Variants in IK observed in about 807,000 individuals in gnomAD.
The protein encoded by IK is IK cytokine, also known as protein Red.
A neutral mutation model predicts 90.9 loss-of-function variants in IK; 47 were observed. The ratio of observed to expected loss-of-function variants is 0.52; its 90% CI spans 0.41 to 0.66. The LOEUF (loss-of-function observed/expected upper bound fraction) is 0.66. Among genes scored for constraint, IK ranks in the 30% least tolerant of loss-of-function variants. The probability of loss-of-function intolerance (pLI) is 0.00; values close to 1 mark genes in which losing one functional copy is unlikely to be tolerated. For missense variants in IK, 385 were observed against 709.3 expected (o/e 0.54, Z 5.19); for synonymous variants, 201 against 227.5 (o/e 0.88, Z 1.05).
intron 10 of IK, among the ~76,000 whole-genome samples, chr5:140,657,886 G>A (rs1561978286): frequency 6.6e-6 from 1 of 152,150 alleles, no homozygotes; most frequent in Non-Finnish European, 1.5e-5. Context: ...GATGGAGAGT[G>A]GGTAGCTTAT....
At chr5:140,657,237 C>G (rs889601246) in intron 9 of IK, among the ~76,000 whole-genome samples, 22 of 152,142 alleles carry the variant, frequency 1.4e-4, no homozygotes, top group Non-Finnish European at 2.9e-4. Flanking sequence ...TTTTGTCTCA[C>G]TACAGTTTAG....
chr5:140,661,797 G>C lies in IK; in HGVS notation c.1502+89G>C, dbSNP rs1757805627. 7.1e-7 allele frequency: 1 copy of C among 1,404,726 alleles called. No individual in the cohort carries two copies. Among genetic ancestry groups the C allele is most frequent in the East Asian group, 2.5e-5 (1 of 40,616 alleles). 87.0% of individuals were successfully genotyped at this position (1,404,726 alleles called of 1,614,324 possible). On this transcript the variant is annotated intron_variant, in intron 17 of 19. Coordinates refer to ENST00000417647, the MANE Select transcript of IK (RefSeq NM_006083.4). The surrounding 1 kb of genome is among the most constrained non-coding windows in gnomAD (Gnocchi z 4.2). The stretch of plus-strand genomic sequence containing the variant: ...ATATAAGGTTAGAGGGTGTGGTCTG[G>C]CTGAGATGTTCCCCACTAAGTTCTT...
chr5:140,650,927 T>C (rs1018533996), intron 2 of IK, among the ~76,000 whole-genome samples: 1 of 152,198 alleles, frequency 6.6e-6, no homozygotes, highest in African/African-American at 2.4e-5. Flanking sequence ...ACAGGCCTTC[T>C]TATATACATA....
intron 16 of IK, 95 bp downstream of exon 16, chr5:140,660,910 C>T: frequency 1.1e-6 from 1 of 920,430 alleles, no homozygotes; most frequent in Non-Finnish European, 1.8e-6. Flanking sequence ...ATCTCATTTA[C>T]TGGGCCCCAC....
intron 11 of IK, 53 bp downstream of exon 11, chr5:140,658,829 C>G (rs532154318): frequency 6.3e-7 from 1 of 1,596,604 alleles, no homozygotes; most frequent in African/African-American, 1.3e-5. Flanking sequence ...CTGTACATTT[C>G]TTGTGTCTGG....
rs1757640836 is a variant in IK, at chr5:140,652,967, C to T, written c.237-10C>T. On this transcript the variant is annotated splice_polypyrimidine_tract_variant and intron_variant, in intron 4 of 19. Coordinates refer to ENST00000417647, the MANE Select transcript of IK (RefSeq NM_006083.4). ...ATGAGCCTTATACATTTGCCTTTCT[C>T]TGGTCACAGTTATTATGCCAAGCTA... The T allele has an allele frequency of 6.2e-7, 1 of 1,612,586 alleles. No homozygotes were observed. The highest frequency in any genetic ancestry group is 8.5e-7 in the Non-Finnish European group (1 of 1,179,728).
At chr5:140,650,645 C>T (rs139747037) in intron 2 of IK, among the ~76,000 whole-genome samples, 71 of 152,212 alleles carry the variant, frequency 4.7e-4, no homozygotes, top group African/African-American at 1.7e-3. Flanking sequence ...ACCTAGATCT[C>T]GGCTCACTGC....
rs1179617725 is a variant in IK, at chr5:140,647,864, T to A, written c.-45T>A. 1 of 1,612,884 alleles carries A rather than the reference T, an allele frequency of 6.2e-7. No individual in the cohort carries two copies. Among genetic ancestry groups the A allele is most frequent in the Admixed American group, 1.7e-5 (1 of 60,016 alleles). ...AAAGAGCTTGTCGCTGCGGTGTTGC[T>A]GTTGGAGACTCGATTGTTGGTGACA... On this transcript the variant is annotated 5_prime_UTR_variant, in exon 1 of 20. Coordinates refer to ENST00000417647, the MANE Select transcript of IK (RefSeq NM_006083.4).
Position 140,659,050 on chromosome 5 carries a change from T to G in IK, c.1062T>G (p.Arg354=). 1 of 1,611,340 alleles carries G rather than the reference T, an allele frequency of 6.2e-7. No individual in the cohort carries two copies. The highest frequency in any genetic ancestry group is 1.1e-5 in the South Asian group (1 of 90,998). ...RERDRERDRD[R]DRERERERDR... is the part of the protein sequence containing the mutation. Reference sequence around the variant, plus strand: ...GTGATCGGGAAAGAGACAGAGACCGTGACCGAGAGCGAGAGCGAGAACGAG... The same window carrying G: ...GTGATCGGGAAAGAGACAGAGACCGGGACCGAGAGCGAGAGCGAGAACGAG... The change falls in exon 12 of 20, where the codon CGT becomes CGG. Residue 354 remains arginine, a synonymous_variant. Transcript: ENST00000417647.
chr5:140,659,247 A>G (rs1175492202), intron 12 of IK, 68 bp from the exon 13 acceptor site: 6 of 1,613,098 alleles, frequency 3.7e-6, no homozygotes, highest in Middle Eastern at 1.6e-4. Context: ...AATTGTTTCA[A>G]ACTTGGGGGA....
At chr5:140,654,840 CTTTT>C (rs1489108030) in intron 8 of IK, 113 bp downstream of exon 8, 5 of 756,308 alleles carry the variant, frequency 6.6e-6, no homozygotes, top group Non-Finnish European at 1.1e-5. Flanking sequence ...TTCTTTCTTT[CTTTT>C]TGAGACAGTG....
chr5:140,662,218 G>A lies in IK; in HGVS notation c.1646+5G>A, dbSNP rs1183867575. ...GAAGAAGATGGAAGCTGATGGGTGA[G>A]CGGCATTATTCTTCCTCTGTGGGAC... is the stretch of plus-strand genomic sequence containing the variant. On this transcript the variant is annotated splice_donor_5th_base_variant and intron_variant, in intron 19 of 19. Coordinates refer to ENST00000417647, the MANE Select transcript of IK (RefSeq NM_006083.4). The A allele has an allele frequency of 3.1e-6, 5 of 1,613,876 alleles. No homozygotes were observed. The highest frequency in any genetic ancestry group is 4.2e-6 in the Non-Finnish European group (5 of 1,179,898).
At position 140,661,773 on chromosome 5, in the gene IK, T is replaced by G; in HGVS notation, c.1502+65T>G. 5 of 1,424,394 alleles carry G rather than the reference T, an allele frequency of 3.5e-6. No homozygotes were observed. The South Asian group carries it at 4.9e-5, about 14-fold the overall frequency. 88.2% of individuals were successfully genotyped at this position (1,424,394 alleles called of 1,614,324 possible). On this transcript the variant is annotated intron_variant, in intron 17 of 19. Transcript: ENST00000417647. The surrounding 1 kb of genome is among the most constrained non-coding windows in gnomAD (Gnocchi z 4.2). The stretch of plus-strand genomic sequence containing the variant: ...TGTGGGGATTTGGTGGAATAGTGCA[T>G]ATAAGGTTAGAGGGTGTGGTCTGGC...
At position 140,662,306 on chromosome 5, in the gene IK, G is replaced by T. The variant is rs745704071; in HGVS notation, c.1651G>T (p.Glu551Ter). ...KRKKMEADGV[E>*]VKRPKY ...CCATTTCTCCTTCCATTGCAGGGTT[G>T]AAGTCAAAAGACCAAAATACTAATC... The change falls in exon 20 of 20, where the codon GAA (glutamate) becomes TAA (stop). Residue 551 changes from glutamate (E) to a stop codon, truncating the protein, a stop_gained. Coordinates refer to ENST00000417647, the MANE Select transcript of IK (RefSeq NM_006083.4). LOFTEE classifies it high-confidence loss of function. The T allele has an allele frequency of 4.9e-5, 79 of 1,613,874 alleles. No individual in the cohort carries two copies. Among genetic ancestry groups the T allele is most frequent in the Non-Finnish European group, 6.7e-5 (79 of 1,179,876 alleles).
chr5:140,661,004 A>G lies in IK; in HGVS notation c.1413+189A>G. 2.0e-6 allele frequency: 1 copy of G among 508,508 alleles called. No homozygotes were observed. Among genetic ancestry groups the G allele is most frequent in the Non-Finnish European group, 3.5e-6 (1 of 285,984 alleles). 31.5% of individuals were successfully genotyped at this position (508,508 alleles called of 1,614,324 possible). A position where few individuals can be genotyped will look rare whatever the true frequency, so the allele number is the denominator to read the frequency against. On this transcript the variant is annotated intron_variant, in intron 16 of 19. Transcript: ENST00000417647. This position sits in a 1 kb window ranked among gnomAD's most constrained non-coding sequence, Gnocchi z 4.2. ...TTTCAGAGTCTTTGCACAAGATCAAATGACATAGGGTCAAAAATCTATTTT... is the reference window on the plus strand; with the variant it reads ...TTTCAGAGTCTTTGCACAAGATCAAGTGACATAGGGTCAAAAATCTATTTT...
chr5:140,658,141 C>A (rs561225008), intron 10 of IK, among the ~76,000 whole-genome samples: 1 of 151,248 alleles, frequency 6.6e-6, no homozygotes, highest in South Asian at 2.1e-4. Context: ...GCACTATAGG[C>A]ACTATAGGCA....
intron 6 of IK, 104 bp from the exon 7 acceptor site, chr5:140,654,412 G>T: frequency 1.1e-6 from 1 of 900,268 alleles, no homozygotes; most frequent in Non-Finnish European, 1.7e-6. Flanking sequence ...AACAATATCT[G>T]TCATGTTTAA....
Position 140,651,718 on chromosome 5 carries a change from A to G in IK, c.88A>G (p.Lys30Glu). 1 of 1,597,746 alleles carries G rather than the reference A, an allele frequency of 6.3e-7. No individual in the cohort carries two copies. Among genetic ancestry groups the G allele is most frequent in the Non-Finnish European group, 8.6e-7 (1 of 1,166,400 alleles). ...AATCTTTGCCTTTTCTTCTAGATCA[A>G]AACTCACCAATGAAGACTTCAGGAA... ...VDDPHSFHQS[K>E]LTNEDFRKLL... is the part of the protein sequence containing the mutation. Residue 30 changes from lysine (K) to glutamate (E), a missense_variant, in exon 3 of 20, where the codon AAA (lysine) becomes GAA (glutamate). Lys to Glu is a moderately conservative substitution (Grantham distance 56, BLOSUM62 1). Around this residue, in one of 8 missense-constraint regions of IK, gnomAD observed 42 missense variants for 37.9 expected, o/e 1.11. Coordinates refer to ENST00000417647, the MANE Select transcript of IK (RefSeq NM_006083.4).
At position 140,662,312 on chromosome 5, in the gene IK, A is replaced by G; in HGVS notation, c.1657A>G (p.Lys553Glu). 2 of 1,614,036 alleles carry G rather than the reference A, an allele frequency of 1.2e-6. No homozygotes were observed. The highest frequency in any genetic ancestry group is 2.2e-5 in the South Asian group (2 of 91,088). ...CTCCTTCCATTGCAGGGTTGAAGTC[A>G]AAAGACCAAAATACTAATCACTAGT... ...KKMEADGVEV[K>E]RPKY Residue 553 changes from lysine (K) to glutamate (E), a missense_variant, in exon 20 of 20, where the codon AAA becomes GAA. Coordinates refer to ENST00000417647, the MANE Select transcript of IK (RefSeq NM_006083.4).
Sources: gnomAD v4.1 joint callset for allele counts (sites outside exome capture counted in the v4.1 genomes callset) on GRCh38, gnomAD v4.1.1 for gene constraint, gnomAD v4.1.1 regional missense constraint, Gnocchi (gnomAD v3.1) non-coding constraint, MANE v1.5 for transcripts, NCBI Gene and HGNC (gene_info 2026-07-23, HGNC 2026-07-21) for gene names.